Variants in FSTL4 observed in about 807,000 individuals in gnomAD.
FSTL4 encodes follistatin-related protein 4.
Under a neutral mutation model 78.2 loss-of-function variants are expected in FSTL4, and 28 were observed. The ratio of observed to expected loss-of-function variants is 0.36; its 90% CI spans 0.27 to 0.49. FSTL4 has a LOEUF of 0.49. Among genes scored for constraint, FSTL4 ranks in the 20% least tolerant of loss-of-function variants. The probability of loss-of-function intolerance (pLI) is 0.98; values close to 1 mark genes in which losing one functional copy is unlikely to be tolerated. For missense variants in FSTL4, 922 were observed against 1,084.9 expected (o/e 0.85, Z 2.11); for synonymous variants, 422 against 440.5 (o/e 0.96, Z 0.53).
In FSTL4 at chr5:133,545,565, C is replaced by G. The variant is rs558265144; in HGVS notation, c.160+21621G>C. Among the ~76,000 whole-genome samples, 25 of 152,270 alleles carry G rather than the reference C, an allele frequency of 1.6e-4. No homozygotes were observed. The South Asian group carries it at 5.2e-3, about 32-fold the overall frequency. ...TTGTGAGCCAAAACAAACCTCTTTT[C>G]TTTATACGTTACCCACTATCAGGTA... On this transcript the variant is annotated intron_variant, in intron 3 of 15. Transcript: ENST00000265342.
intron 2 of FSTL4, among the ~76,000 whole-genome samples, chr5:133,599,841 C>G (rs1288430739): frequency 6.6e-6 from 1 of 151,842 alleles, no homozygotes; most frequent in Non-Finnish European, 1.5e-5. Context: ...ACCCAGGCTG[C>G]AAAAGTGGGG....
chr5:133,471,417 A>G (rs1161789263), intron 3 of FSTL4, among the ~76,000 whole-genome samples: 2 of 152,086 alleles, frequency 1.3e-5, no homozygotes, highest in Non-Finnish European at 2.9e-5. Flanking sequence ...AGGTGATGGT[A>G]TTAGGATGTG....
At chr5:133,630,556 T>C in the FSTL4 span, among the ~76,000 whole-genome samples, 1 of 152,188 alleles carries the variant, frequency 6.6e-6, no homozygotes, top group African/African-American at 2.4e-5. Flanking sequence ...ATCGTGAAAA[T>C]GGCCATATTG....
the FSTL4 span, among the ~76,000 whole-genome samples, chr5:133,756,843 A>C: frequency 6.6e-6 from 1 of 152,114 alleles, no homozygotes; most frequent in Non-Finnish European, 1.5e-5. Context: ...TCTCTCTTGC[A>C]GTCCTCTGGC....
In FSTL4 at chr5:133,462,967, C is replaced by T. The variant is rs141815248; in HGVS notation, c.161-61981G>A. 1.5e-3 allele frequency among the ~76,000 whole-genome samples: 236 copies of T among 152,312 alleles called. 1 individual carries two copies. Among genetic ancestry groups the T allele is most frequent in the African/African-American group, 5.4e-3 (223 of 41,572 alleles). ...TGGGAGACTTTGTGCTCCTGGAGTT[C>T]GCAAGCAACCAGAGTCTGGCTTCAT... On this transcript the variant is annotated intron_variant, in intron 3 of 15. Coordinates refer to ENST00000265342, the MANE Select transcript of FSTL4 (RefSeq NM_015082.2).
chr5:133,581,275 T>C, intron 2 of FSTL4, among the ~76,000 whole-genome samples: 1 of 152,218 alleles, frequency 6.6e-6, no homozygotes, highest in South Asian at 2.1e-4. Context: ...GGTGTTTACT[T>C]AGGACCTGGC....
chr5:133,595,574 G>T (rs897634072), intron 2 of FSTL4, among the ~76,000 whole-genome samples: 19 of 152,188 alleles, frequency 1.2e-4, no homozygotes, highest in African/African-American at 4.6e-4. Flanking sequence ...GTGATATGTG[G>T]CCATGGCCAG....
chr5:133,673,057 A>G, the FSTL4 span, among the ~76,000 whole-genome samples: 3 of 152,218 alleles, frequency 2.0e-5, no homozygotes, highest in Non-Finnish European at 2.9e-5. Context: ...CTTCCAGGTC[A>G]CAGATGGGTG....
At chr5:133,358,334 C>T (rs1561685108) in intron 4 of FSTL4, among the ~76,000 whole-genome samples, 1 of 152,134 alleles carries the variant, frequency 6.6e-6, no homozygotes, top group Non-Finnish European at 1.5e-5. Context: ...GACGAACACA[C>T]TGGCCAATTC....
chr5:133,786,989 A>T, the FSTL4 span, among the ~76,000 whole-genome samples: 1 of 152,012 alleles, frequency 6.6e-6, no homozygotes, highest in East Asian at 1.9e-4. Flanking sequence ...GAGAGATGAG[A>T]TTCAAACCTG....
At chr5:133,460,405 A>G (rs1757570278) in intron 3 of FSTL4, among the ~76,000 whole-genome samples, 1 of 152,176 alleles carries the variant, frequency 6.6e-6, no homozygotes, top group African/African-American at 2.4e-5. Flanking sequence ...TCCTCCTTGC[A>G]GGGACCACAC....
intron 3 of FSTL4, among the ~76,000 whole-genome samples, chr5:133,446,659 C>T (rs962072443): frequency 3.3e-5 from 5 of 152,190 alleles, no homozygotes; most frequent in African/African-American, 9.7e-5. Flanking sequence ...AATCAGGAGC[C>T]GGTCCTCTTT....
At chr5:133,783,290 G>A in the FSTL4 span, among the ~76,000 whole-genome samples, 4 of 152,120 alleles carry the variant, frequency 2.6e-5, no homozygotes, top group Admixed American at 1.3e-4. Flanking sequence ...AACCAAACAC[G>A]ATCCTGCTCT....
chr5:133,635,441 G>A, the FSTL4 span, among the ~76,000 whole-genome samples: 2 of 152,216 alleles, frequency 1.3e-5, no homozygotes, highest in East Asian at 1.9e-4. Context: ...GGGAAAGTAC[G>A]TGGACCAGAA....
At chr5:133,326,367 C>T (rs1754212468) in intron 4 of FSTL4, among the ~76,000 whole-genome samples, 1 of 152,214 alleles carries the variant, frequency 6.6e-6, no homozygotes, top group South Asian at 2.1e-4. Flanking sequence ...TCACAATCCC[C>T]AAACAAACAT....
At chr5:133,276,841 T>C (rs1359877628) in intron 6 of FSTL4, among the ~76,000 whole-genome samples, 2 of 152,158 alleles carry the variant, frequency 1.3e-5, no homozygotes, top group African/African-American at 2.4e-5. Context: ...GGCATATTCT[T>C]ACAACAGAAT....
At chr5:133,370,150 C>T (rs1755262849) in intron 4 of FSTL4, among the ~76,000 whole-genome samples, 1 of 152,198 alleles carries the variant, frequency 6.6e-6, no homozygotes, top group Admixed American at 6.5e-5. Flanking sequence ...CATCTTCAAT[C>T]ATGCCCTAAT....
At chr5:133,648,640 A>G in the FSTL4 span, among the ~76,000 whole-genome samples, 15 of 152,306 alleles carry the variant, frequency 9.8e-5, no homozygotes, top group East Asian at 2.9e-3. Context: ...CCGGGCTTCA[A>G]AGGGTCTGTT....
At chr5:133,668,291 CA>C in the FSTL4 span, among the ~76,000 whole-genome samples, 2 of 152,126 alleles carry the variant, frequency 1.3e-5, no homozygotes, top group East Asian at 1.9e-4. Context: ...CTTCAGGGGT[CA>C]GGGGGTATGG....
Sources: allele counts gnomAD v4.1 joint callset (sites outside exome capture counted in the v4.1 genomes callset), GRCh38; gene constraint gnomAD v4.1.1; transcripts MANE v1.5; gene names NCBI Gene and HGNC (gene_info 2026-07-23, HGNC 2026-07-21).